The following PAPPA variants were observed in gnomAD, a reference collection of about 807,000 sequenced individuals.
PAPPA encodes the protein pappalysin-1.
A neutral mutation model predicts 164.0 loss-of-function variants in PAPPA; 60 were observed. The observed-to-expected ratio is 0.37, with a 90% confidence interval of 0.30 to 0.45. The LOEUF is 0.45. Among genes scored for constraint, PAPPA ranks in the 20% least tolerant of loss-of-function variants. The pLI, the probability that PAPPA is intolerant of heterozygous loss-of-function variation, is 1.00. For missense variants in PAPPA, 1,782 were observed against 2,087.3 expected (o/e 0.85, Z 2.85); for synonymous variants, 875 against 814.1 (o/e 1.07, Z -1.27).
intron 1 of PAPPA, among the ~76,000 whole-genome samples, chr9:116,168,374 C>T (rs1296823187): frequency 6.6e-6 from 1 of 152,064 alleles, no homozygotes; most frequent in African/African-American, 2.4e-5. Context: ...ACTCCCAGTC[C>T]TAGTGGTGGA....
chr9:116,364,630 C>T (rs980469409), intron 18 of PAPPA, among the ~76,000 whole-genome samples: 1 of 152,162 alleles, frequency 6.6e-6, no homozygotes, highest in Non-Finnish European at 1.5e-5. Context: ...ACATATCAAA[C>T]ACACAGAAAG....
At position 116,309,013 on chromosome 9, in the gene PAPPA, GCTAT is replaced by G. The variant is rs1289921250; in HGVS notation, c.3147+6064_3147+6067del. Among the ~76,000 whole-genome samples, 16 of 152,038 alleles carry G rather than the reference GCTAT, an allele frequency of 1.1e-4. No individual in the cohort carries two copies. The East Asian group carries it at 3.1e-3, about 29-fold the overall frequency. ...TTTACAGTTTTGTCACAAGCTATGT[GCTAT>G]ACATAGGAAACCTTAAAATGTCAGT... is the stretch of plus-strand genomic sequence containing the variant. On this transcript the variant is annotated intron_variant, in intron 10 of 21. Transcript: ENST00000328252.
chr9:116,226,003 G>C (rs546011382), intron 5 of PAPPA, among the ~76,000 whole-genome samples: 1 of 118,928 alleles, frequency 8.4e-6, no homozygotes, highest in Non-Finnish European at 1.7e-5. Context: ...AAACTCTCCT[G>C]CATGTCAAAA....
chr9:116,183,243 A>G (rs1251647184), intron 1 of PAPPA, among the ~76,000 whole-genome samples: 1 of 152,130 alleles, frequency 6.6e-6, no homozygotes, highest in Non-Finnish European at 1.5e-5. Context: ...AGGAGACAGA[A>G]CCTAAGCATG....
At chr9:116,381,531 C>T (rs1032541583) in intron 20 of PAPPA, among the ~76,000 whole-genome samples, 1 of 152,204 alleles carries the variant, frequency 6.6e-6, no homozygotes. Context: ...CCTAATAAGG[C>T]TCTGGGTTCA....
chr9:116,277,244 C>T (rs775804356), intron 9 of PAPPA, among the ~76,000 whole-genome samples: 2 of 152,128 alleles, frequency 1.3e-5, no homozygotes, highest in Admixed American at 6.5e-5. Flanking sequence ...GACCTCCCTC[C>T]GTGGAAAAAG....
intron 14 of PAPPA, among the ~76,000 whole-genome samples, chr9:116,345,697 G>C (rs1341047146): frequency 1.3e-5 from 2 of 152,172 alleles, no homozygotes; most frequent in Non-Finnish European, 2.9e-5. Flanking sequence ...ACTGGTAGCA[G>C]GGAGACCCCC....
chr9:116,305,134 G>GACACAGACACACACACAC (rs1554750323), intron 10 of PAPPA, among the ~76,000 whole-genome samples: 1 of 129,864 alleles, frequency 7.7e-6, no homozygotes, highest in African/African-American at 3.1e-5. Context: ...TGGGCACACA[G>GACACAGACACACACACAC]ACACACACAC....
intron 1 of PAPPA, among the ~76,000 whole-genome samples, chr9:116,182,172 CTTG>C (rs1286509476): frequency 6.6e-6 from 1 of 152,196 alleles, no homozygotes; most frequent in African/African-American, 2.4e-5. Flanking sequence ...TGCTGATAGA[CTTG>C]TTGTGAAGAT....
intron 7 of PAPPA, among the ~76,000 whole-genome samples, chr9:116,258,415 G>C (rs1844958213): frequency 6.6e-6 from 1 of 152,112 alleles, no homozygotes; most frequent in African/African-American, 2.4e-5. Context: ...CCAGCACTTT[G>C]AGAGGCCAAG....
intron 9 of PAPPA, among the ~76,000 whole-genome samples, chr9:116,280,714 C>T (rs1041846849): frequency 1.3e-5 from 2 of 152,226 alleles, no homozygotes; most frequent in Non-Finnish European, 2.9e-5. Flanking sequence ...CTTGCACAGA[C>T]CAGGTGTCAG....
chr9:116,201,502 G>A (rs2256306), intron 2 of PAPPA, among the ~76,000 whole-genome samples: 1 of 152,200 alleles, frequency 6.6e-6, no homozygotes, highest in African/African-American at 2.4e-5. Context: ...GGCTGGTGGA[G>A]CGGGAACCCA....
Position 116,302,737 on chromosome 9 carries a change from T to C in PAPPA, c.2954-20T>C, listed in dbSNP as rs184870746. 6.9e-6 allele frequency: 11 copies of C among 1,595,564 alleles called. No individual in the cohort carries two copies. The South Asian group carries it at 1.0e-4, about 15-fold the overall frequency. On this transcript the variant is annotated intron_variant, in intron 9 of 21. Transcript: ENST00000328252. ...CAAATATTTATTTATTCTCTCCCTT[T>C]CTATGTCAATCTTTTGCAGATGAAC...
chr9:116,346,812 A>G (rs1438862475), intron 14 of PAPPA, among the ~76,000 whole-genome samples: 2 of 152,182 alleles, frequency 1.3e-5, no homozygotes, highest in Admixed American at 6.5e-5. Flanking sequence ...TGATCATGTA[A>G]TGTCTCTGAG....
At chr9:116,169,310 CTTTTTTTT>C (rs563871496) in intron 1 of PAPPA, among the ~76,000 whole-genome samples, 17 of 52,150 alleles carry the variant, frequency 3.3e-4, no homozygotes, top group East Asian at 4.6e-4. Flanking sequence ...CAAACCCATT[CTTTTTTTT>C]TTTTTTTTTT....
intron 13 of PAPPA, among the ~76,000 whole-genome samples, chr9:116,343,273 G>A (rs556175643): frequency 9.9e-5 from 15 of 152,190 alleles, no homozygotes; most frequent in Non-Finnish European, 1.8e-4. Context: ...ATCCAAGAAT[G>A]AGGATTTCAT....
intron 2 of PAPPA, among the ~76,000 whole-genome samples, chr9:116,199,825 A>C (rs982696957): frequency 6.6e-6 from 1 of 152,266 alleles, no homozygotes; most frequent in Admixed American, 6.5e-5. Context: ...GCTTCCCCTC[A>C]TGCTTGGAAG....
rs773997021 is a variant in PAPPA at position 116,271,142 on chromosome 9, T to C, written c.2862-183T>C. ...ACACAAAGCAAGGCAAATGTGAAAG[T>C]ATCTTATAAATCCATACCTTTTAGA... On this transcript the variant is annotated intron_variant, in intron 8 of 21. Coordinates refer to ENST00000328252, the MANE Select transcript of PAPPA (RefSeq NM_002581.5). This position sits in a 1 kb window ranked among gnomAD's most constrained non-coding sequence, Gnocchi z 4.2. Among the ~76,000 whole-genome samples, 21 of 152,234 alleles carry C rather than the reference T, an allele frequency of 1.4e-4. No homozygotes were observed. The highest frequency in any genetic ancestry group is 2.5e-4 in the Non-Finnish European group (17 of 68,044).
chr9:116,347,077 G>A lies in PAPPA; in HGVS notation c.3832G>A (p.Val1278Met), dbSNP rs1283907533. 5 of 1,614,028 alleles carry A rather than the reference G, an allele frequency of 3.1e-6. No homozygotes were observed. The highest frequency in any genetic ancestry group is 1.7e-5 in the Admixed American group (1 of 60,008). The change falls in exon 15 of 22, where the codon GTG (valine) becomes ATG (methionine). Residue 1278 changes from valine to methionine, a missense_variant. Val to Met is a conservative substitution (Grantham distance 21). Around this residue, in one of 2 missense-constraint regions of PAPPA, gnomAD observed 1,324 missense variants for 1,656.9 expected, o/e 0.80. Coordinates refer to ENST00000328252, the MANE Select transcript of PAPPA (RefSeq NM_002581.5). This position sits in a 1 kb window ranked among gnomAD's most constrained non-coding sequence, Gnocchi z 4.5. ...TACAGAGGGCAAGTGGAATAAGCAG[G>A]TGGCCTGTGAGCCAGTCGACTGCAG... ...TCTEGKWNKQ[V>M]ACEPVDCSIP...
Sources: allele counts gnomAD v4.1 joint callset (sites outside exome capture counted in the v4.1 genomes callset), GRCh38; gene constraint gnomAD v4.1.1; regional missense constraint gnomAD v4.1.1; non-coding constraint Gnocchi (gnomAD v3.1); transcripts MANE v1.5; gene names NCBI Gene and HGNC (gene_info 2026-07-23, HGNC 2026-07-21).